The following GRM7 variants were observed in gnomAD, a reference collection of about 807,000 sequenced individuals.
The protein encoded by GRM7 is glutamate metabotropic receptor 7, also known as metabotropic glutamate receptor 7.
GRM7 carries 35 observed loss-of-function variants against 84.5 expected under a neutral mutation model. The observed-to-expected ratio is 0.41, with a 90% CI of 0.32 to 0.55. The LOEUF (loss-of-function observed/expected upper bound fraction) is 0.55, where lower values mean the gene tolerates loss of function less well. GRM7 is among the 20% of genes least tolerant of loss of function. The pLI is 0.19. For synonymous variants in GRM7, 487 were observed against 455.1 expected, an observed-to-expected ratio of 1.07 and a Z score of -0.89; for missense variants, 1,003 against 1,194.6, an observed-to-expected ratio of 0.84 and a Z score of 2.36.
At chr3:6,896,108 T>G (rs1411053761) in intron 1 of GRM7, among the ~76,000 whole-genome samples, 1 of 152,212 alleles carries the variant, frequency 6.6e-6, no homozygotes, top group Non-Finnish European at 1.5e-5. Context: ...CCATTTTTTC[T>G]TCATCAGTTT....
intron 7 of GRM7, among the ~76,000 whole-genome samples, chr3:7,501,350 C>G (rs1699876709): frequency 6.6e-6 from 1 of 152,142 alleles, no homozygotes; most frequent in Non-Finnish European, 1.5e-5. Flanking sequence ...TTCTGAAATT[C>G]TTGAGGAACA....
chr3:7,226,812 G>A (rs964062674), intron 2 of GRM7, among the ~76,000 whole-genome samples: 2 of 151,958 alleles, frequency 1.3e-5, no homozygotes, highest in Admixed American at 6.6e-5. Context: ...CTCCATAGTC[G>A]GCTCCTGGGG....
intron 2 of GRM7, among the ~76,000 whole-genome samples, chr3:7,166,431 G>C (rs1395711819): frequency 1.3e-5 from 2 of 152,130 alleles, no homozygotes; most frequent in East Asian, 3.8e-4. Flanking sequence ...GCTGATGAAT[G>C]AATCATCCAC....
intron 8 of GRM7, among the ~76,000 whole-genome samples, chr3:7,609,339 T>G (rs943729829): frequency 9.2e-5 from 14 of 151,922 alleles, no homozygotes; most frequent in Admixed American, 2.6e-4. Flanking sequence ...GGTCCATAAA[T>G]GAAATTCAAT....
chr3:7,385,947 A>G (rs1304713206), intron 4 of GRM7, among the ~76,000 whole-genome samples: 2 of 152,222 alleles, frequency 1.3e-5, no homozygotes, highest in Admixed American at 6.5e-5. Flanking sequence ...ACTGAAACAA[A>G]GTGTTGACCA....
At chr3:6,880,341 C>G (rs1367847275) in intron 1 of GRM7, among the ~76,000 whole-genome samples, 1 of 152,168 alleles carries the variant, frequency 6.6e-6, no homozygotes, top group South Asian at 2.1e-4. Flanking sequence ...TAGAGAGCCT[C>G]TTTCTTCTAA....
intron 1 of GRM7, among the ~76,000 whole-genome samples, chr3:6,943,781 T>C (rs1170815541): frequency 1.3e-5 from 2 of 152,070 alleles, no homozygotes; most frequent in African/African-American, 2.4e-5. Flanking sequence ...TGAGCAAAAT[T>C]GTCTTCTAAA....
At chr3:7,208,238 T>C (rs1696303131) in intron 2 of GRM7, among the ~76,000 whole-genome samples, 1 of 152,176 alleles carries the variant, frequency 6.6e-6, no homozygotes, top group African/African-American at 2.4e-5. Flanking sequence ...GTGGCAATAA[T>C]ACTAAAAGAG....
At chr3:7,691,645 G>GT (rs1339709892) in intron 9 of GRM7, among the ~76,000 whole-genome samples, 3 of 151,970 alleles carry the variant, frequency 2.0e-5, no homozygotes, top group African/African-American at 7.3e-5. Context: ...TGCTCATCTG[G>GT]TTTTTTTATT....
chr3:7,135,053 C>T (rs950594930), intron 1 of GRM7, among the ~76,000 whole-genome samples: 1 of 152,058 alleles, frequency 6.6e-6, no homozygotes, highest in Non-Finnish European at 1.5e-5. Flanking sequence ...AAAAGAGTTG[C>T]AATAATTGAT....
chr3:7,518,578 A>C (rs1336547224), intron 7 of GRM7, among the ~76,000 whole-genome samples: 2 of 152,200 alleles, frequency 1.3e-5, no homozygotes, highest in Non-Finnish European at 2.9e-5. Flanking sequence ...TTTTTTAAAA[A>C]ACCCTCTAAA....
chr3:7,311,021 C>T (rs1700371928), intron 4 of GRM7, among the ~76,000 whole-genome samples: 2 of 152,070 alleles, frequency 1.3e-5, no homozygotes, highest in South Asian at 2.1e-4. Flanking sequence ...CACTTTGAAG[C>T]ATCTGTCACA....
At chr3:6,881,114 A>G (rs1695491485) in intron 1 of GRM7, among the ~76,000 whole-genome samples, 1 of 152,138 alleles carries the variant, frequency 6.6e-6, no homozygotes, top group African/African-American at 2.4e-5. Context: ...ATTATTCCTC[A>G]AATACACATT....
intron 1 of GRM7, among the ~76,000 whole-genome samples, chr3:7,040,723 G>A (rs1306430696): frequency 6.6e-6 from 1 of 152,068 alleles, no homozygotes; most frequent in Non-Finnish European, 1.5e-5. Context: ...TTGCTGGAGA[G>A]CATGTTAGAA....
In GRM7 at chr3:7,343,316, C is replaced by T. The variant is rs1273736493; in HGVS notation, c.1033+36664C>T. On this transcript the variant is annotated intron_variant, in intron 4 of 9. Coordinates refer to ENST00000357716, the MANE Select transcript of GRM7 (RefSeq NM_000844.4). ...TAGCATGGTCATGGCTCACTGCAGC[C>T]TCGACCTCCTAGGCTTAAGCAATCC... Among the ~76,000 whole-genome samples the T allele has an allele frequency of 2.6e-5, 4 of 152,072 alleles. No homozygotes were observed. The East Asian group carries it at 5.8e-4, about 22-fold the overall frequency.
intron 2 of GRM7, among the ~76,000 whole-genome samples, chr3:7,197,914 G>A (rs1695932856): frequency 6.6e-6 from 1 of 152,012 alleles, no homozygotes; most frequent in African/African-American, 2.4e-5. Context: ...CAGTAAAGTT[G>A]AATGAAAATA....
chr3:7,598,908 A>G (rs1171453319), intron 8 of GRM7, among the ~76,000 whole-genome samples: 1 of 152,232 alleles, frequency 6.6e-6, no homozygotes, highest in Non-Finnish European at 1.5e-5. Flanking sequence ...ATATAATGAT[A>G]TAAAGATATC....
chr3:7,016,258 C>T (rs1246643412), intron 1 of GRM7, among the ~76,000 whole-genome samples: 2 of 152,142 alleles, frequency 1.3e-5, no homozygotes, highest in African/African-American at 4.8e-5. Context: ...GTCTAGGGCT[C>T]CTTGCTCACC....
chr3:6,996,428 C>T (rs936393628), intron 1 of GRM7, among the ~76,000 whole-genome samples: 8 of 152,074 alleles, frequency 5.3e-5, no homozygotes, highest in Non-Finnish European at 8.8e-5. Context: ...AACAAACGAA[C>T]GATTTAGTTT....
Sources: allele counts gnomAD v4.1 joint callset (sites outside exome capture counted in the v4.1 genomes callset), GRCh38; gene constraint gnomAD v4.1.1; transcripts MANE v1.5; gene names NCBI Gene and HGNC (gene_info 2026-07-23, HGNC 2026-07-21).